CCDC88B: variants seen among roughly 807,000 people sequenced by gnomAD.
The protein encoded by CCDC88B is coiled-coil domain-containing protein 88B.
In CCDC88B, 138 loss-of-function variants were observed where a neutral mutation model predicts 183.7. The observed-to-expected ratio is 0.75, with a 90% confidence interval of 0.65 to 0.87. The LOEUF is 0.87. Among genes scored for constraint, CCDC88B ranks in the 40% least tolerant of loss-of-function variants. CCDC88B has a pLI of 0.00. For synonymous variants in CCDC88B, 835 were observed against 867.5 expected (o/e 0.96, Z 0.66); for missense variants, 1,822 against 1,965.6 (o/e 0.93, Z 1.38).
At position 64,341,599 on chromosome 11, in the gene CCDC88B, G is replaced by C. The variant is rs142786551; in HGVS notation, c.532G>C (p.Val178Leu). The C allele has an allele frequency of 1.2e-6, 2 of 1,601,626 alleles. No individual in the cohort carries two copies. Among genetic ancestry groups the C allele is most frequent in the Non-Finnish European group, 1.7e-6 (2 of 1,173,180 alleles). Residue 178 changes from valine (V) to leucine (L), a missense_variant and splice_region_variant, in exon 7 of 27, where the codon GTG (valine) becomes CTG (leucine). By Grantham distance (32) the Val-to-Leu change is conservative. Coordinates refer to ENST00000356786, the MANE Select transcript of CCDC88B (RefSeq NM_032251.6). ...CTGAACTGCTCTTCCTGCGCCCCAGGTGACCCAGCCGGGGGCCGGCGTGGT... is the reference window on the plus strand; with the variant it reads ...CTGAACTGCTCTTCCTGCGCCCCAGCTGACCCAGCCGGGGGCCGGCGTGGT... ...QSELAAAIQEVTQPGAGVVLA... is the reference protein window; with the variant it reads ...QSELAAAIQELTQPGAGVVLA...
intron 18 of CCDC88B, 135 bp from the exon 19 acceptor site, chr11:64,351,995 C>G (rs1016781830): frequency 2.9e-5 from 37 of 1,262,680 alleles, no homozygotes; most frequent in Non-Finnish European, 3.8e-5. Flanking sequence ...GCCTGCTGTG[C>G]CCCCAGCCCT....
Position 64,355,325 on chromosome 11 carries a change from C to A in CCDC88B, c.4231C>A (p.Pro1411Thr), listed in dbSNP as rs2036511971. The A allele has an allele frequency of 6.3e-7, 1 of 1,595,646 alleles. No homozygotes were observed. Among genetic ancestry groups the A allele is most frequent in the Non-Finnish European group, 8.5e-7 (1 of 1,172,284 alleles). Residue 1411 changes from proline to threonine, a missense_variant, in exon 25 of 27, where the codon CCT (proline) becomes ACT (threonine). Coordinates refer to ENST00000356786, the MANE Select transcript of CCDC88B (RefSeq NM_032251.6). Reference sequence around the variant, plus strand: ...GGGGCGAAGCTCTGAGTCATTCAGCCCTGGGGACACCCCTAGGCAACGATT... The same window carrying A: ...GGGGCGAAGCTCTGAGTCATTCAGCACTGGGGACACCCCTAGGCAACGATT... The part of the protein sequence containing the change: ...PVGRSSESFS[P>T]GDTPRQRFRQ...
intron 26 of CCDC88B, chr11:64,356,644 A>G (rs886184593): frequency 2.6e-5 from 7 of 269,604 alleles, no homozygotes; most frequent in African/African-American, 1.1e-4. Flanking sequence ...CATCTCACCT[A>G]CTTAGCTCCG....
In CCDC88B at chr11:64,344,993, C is replaced by T. The variant is rs1033864180; in HGVS notation, c.2452C>T (p.Leu818=). The T allele has an allele frequency of 3.2e-6, 5 of 1,546,958 alleles. No homozygotes were observed. The Admixed American group carries it at 9.8e-5, about 30-fold the overall frequency. The change falls in exon 14 of 27, where the codon CTG becomes TTG. Residue 818 remains leucine, a synonymous_variant. Coordinates refer to ENST00000356786, the MANE Select transcript of CCDC88B (RefSeq NM_032251.6). This position sits in a 1 kb window ranked among gnomAD's most constrained non-coding sequence, Gnocchi z 4.5. ...GGAACGGGAGGCGCTGGTGGAGGCG[C>T]TGGCAGCAGCGGGCCGGGAGCGGAG... ...SQEREALVEA[L]AAAGRERRQW... is the part of the protein sequence containing the mutation.
At chr11:64,354,201 T>C in intron 24 of CCDC88B, 31 bp downstream of exon 24, 1 of 1,315,994 alleles carries the variant, frequency 7.6e-7, no homozygotes, top group Non-Finnish European at 9.7e-7. Flanking sequence ...GCCAGGATGG[T>C]CCCTGCCCCA....
At chr11:64,340,574 G>T in intron 1 of CCDC88B, 33 bp from the exon 2 acceptor site, 2 of 1,594,572 alleles carry the variant, frequency 1.3e-6, no homozygotes, top group Non-Finnish European at 8.5e-7. Context: ...GGTTCACTCT[G>T]CTGGTCGGCT....
chr11:64,341,224 C>T (rs371459691), intron 4 of CCDC88B, 46 bp downstream of exon 4: 395 of 1,613,974 alleles, frequency 2.4e-4, no homozygotes, highest in Non-Finnish European at 3.1e-4. Flanking sequence ...CCGCACTACT[C>T]TACCTTCCCC....
intron 24 of CCDC88B, among the ~76,000 whole-genome samples, chr11:64,354,555 C>T (rs1405542739): frequency 6.6e-6 from 1 of 151,966 alleles, no homozygotes; most frequent in Non-Finnish European, 1.5e-5. Flanking sequence ...GGCCAGTGTC[C>T]TGCTGCCCCA....
rs777780848 is a variant in CCDC88B, at chr11:64,352,246, G to A, written c.3216G>A (p.Gln1072=). ...AGGAGGAGACCCGCGGGCAGCAGCA[G>A]GCCCTGCTTCGGGACCACAAGGCCC... ...QSQEETRGQQ[Q]ALLRDHKALA... Residue 1072 remains glutamine, a synonymous_variant, in exon 19 of 27, where the codon CAG becomes CAA. Coordinates refer to ENST00000356786, the MANE Select transcript of CCDC88B (RefSeq NM_032251.6). 15 of 1,607,204 alleles carry A rather than the reference G, an allele frequency of 9.3e-6. No individual in the cohort carries two copies. The highest frequency in any genetic ancestry group is 1.3e-5 in the Non-Finnish European group (15 of 1,176,936).
chr11:64,342,446 C>G, intron 9 of CCDC88B, 71 bp downstream of exon 9: 2 of 1,544,298 alleles, frequency 1.3e-6, no homozygotes, highest in South Asian at 2.4e-5. Flanking sequence ...TGCCTCCCTC[C>G]CAACCCGGCT....
intron 14 of CCDC88B, among the ~76,000 whole-genome samples, chr11:64,347,219 A>G (rs2036146651): frequency 6.6e-6 from 1 of 152,252 alleles, no homozygotes; most frequent in African/African-American, 2.4e-5. Flanking sequence ...GCGTGGCTTC[A>G]GCTTCCTTCC....
chr11:64,343,478 G>A lies in CCDC88B; in HGVS notation c.1210-29G>A, dbSNP rs1241393186. The A allele has an allele frequency of 1.1e-5, 17 of 1,541,646 alleles. No individual in the cohort carries two copies. The South Asian group carries it at 2.0e-4, about 18-fold the overall frequency. ...CACTCGGCCTGGCCATGGTGTGGAG[G>A]GCTTGTCTGACCCTTCCCTCACCCC... is the stretch of plus-strand genomic sequence containing the variant. On this transcript the variant is annotated intron_variant, in intron 11 of 26. Transcript: ENST00000356786.
Position 64,341,662 on chromosome 11 carries a change from C to A in CCDC88B, c.595C>A (p.Pro199Thr). Residue 199 changes from proline to threonine, a missense_variant, in exon 7 of 27, where the codon CCT (proline) becomes ACT (threonine). Transcript: ENST00000356786. ...TGGGCCAGATCCTGGGGAGCTGGCA[C>A]CTGCCGAGCTGGAGATGCTGTCCCG... ...LSGPDPGELA[P>T]AELEMLSRSL... 1 of 1,608,006 alleles carries A rather than the reference C, an allele frequency of 6.2e-7. No individual in the cohort carries two copies. The highest frequency in any genetic ancestry group is 8.5e-7 in the Non-Finnish European group (1 of 1,177,500).
In CCDC88B at chr11:64,357,284, CAG is replaced by C. The variant is rs1184054234; in HGVS notation, c.*191_*192del. On this transcript the variant is annotated 3_prime_UTR_variant, in exon 27 of 27. Transcript: ENST00000356786. ...GATGGAGCTGGGACGAGTGTGTGGA[CAG>C]GGGGGATGGCTGGCCCCCACGAGCA... 5 of 756,112 alleles carry C rather than the reference CAG, an allele frequency of 6.6e-6. No individual in the cohort carries two copies. Among genetic ancestry groups the C allele is most frequent in the Admixed American group, 2.0e-5 (1 of 50,100 alleles). The allele number at this position is 756,112 out of a possible 1,614,324, so 46.8% of individuals were successfully genotyped here.
Position 64,344,304 on chromosome 11 carries a change from C to T in CCDC88B, c.1763C>T (p.Ser588Phe). The change falls in exon 14 of 27, where the codon TCC becomes TTC. Residue 588 changes from serine (S) to phenylalanine (F), a missense_variant. Physicochemically the swap from Ser to Phe is radical, Grantham distance 155. Transcript: ENST00000356786. This position sits in a 1 kb window ranked among gnomAD's most constrained non-coding sequence, Gnocchi z 4.5. ...ESGSPVETQE[S>F]PEKAGRRSSL... ...GGCTCTCCTGTGGAGACACAGGAGT[C>T]CCCGGAGAAGGCTGGCCGTAGATCC... The T allele has an allele frequency of 1.9e-6, 3 of 1,613,616 alleles. No individual in the cohort carries two copies. Among genetic ancestry groups the T allele is most frequent in the Non-Finnish European group, 2.5e-6 (3 of 1,179,928 alleles).
At chr11:64,353,022 C>T (rs745989236) in intron 20 of CCDC88B, 32 bp from the exon 21 acceptor site, 2 of 1,553,646 alleles carry the variant, frequency 1.3e-6, no homozygotes, top group African/African-American at 1.4e-5. Flanking sequence ...GGACCCAGGT[C>T]CCTTGGAGAG....
chr11:64,344,389 C>T lies in CCDC88B; in HGVS notation c.1848C>T (p.Ala616=), dbSNP rs1266415944. 6.3e-7 allele frequency: 1 copy of T among 1,583,182 alleles called. No individual in the cohort carries two copies. The highest frequency in any genetic ancestry group is 8.6e-7 in the Non-Finnish European group (1 of 1,165,878). Reference sequence around the variant, plus strand: ...AGGGTCCAGGGACCAAAATTCAGGCCCCGCAGTTGCTGGGAGGAGAGACAG... The same window carrying T: ...AGGGTCCAGGGACCAAAATTCAGGCTCCGCAGTTGCTGGGAGGAGAGACAG... The part of the protein sequence containing the change: ...PPQGPGTKIQ[A]PQLLGGETEG... The change falls in exon 14 of 27, where the codon GCC becomes GCT. Residue 616 remains alanine, a synonymous_variant. Transcript: ENST00000356786. This position sits in a 1 kb window ranked among gnomAD's most constrained non-coding sequence, Gnocchi z 4.5.
At position 64,340,677 on chromosome 11, in the gene CCDC88B, A is replaced by G. The variant is rs990061742; in HGVS notation, c.131A>G (p.Glu44Gly). The change falls in exon 2 of 27, where the codon GAG becomes GGG. Residue 44 changes from glutamate to glycine, a missense_variant. Coordinates refer to ENST00000356786, the MANE Select transcript of CCDC88B (RefSeq NM_032251.6). ...SEGEEEEEEE[E>G]PPLWLEKRFL... ...GGGGAAGAAGAGGAAGAGGAGGAAG[A>G]GCCGCCCCTTTGGTTGGAGAAGAGA... 5 of 1,612,010 alleles carry G rather than the reference A, an allele frequency of 3.1e-6. No homozygotes were observed. Among genetic ancestry groups the G allele is most frequent in the Non-Finnish European group, 4.2e-6 (5 of 1,179,804 alleles).
rs1453354950 is a variant in CCDC88B at position 64,343,863 on chromosome 11, C to A, written c.1404C>A (p.Asn468Lys). The change falls in exon 13 of 27, where the codon AAC (asparagine) becomes AAA (lysine). Residue 468 changes from asparagine to lysine, a missense_variant. Physicochemically the swap from Asn to Lys is moderately conservative, Grantham distance 94. Coordinates refer to ENST00000356786, the MANE Select transcript of CCDC88B (RefSeq NM_032251.6). ...AGRLRTLERENRELRGLLQVL... is the reference protein window; with the variant it reads ...AGRLRTLEREKRELRGLLQVL... Reference sequence around the variant, plus strand: ...GGCTTCGGACCCTTGAGAGGGAGAACCGGGAGCTTCGGGGGCTGCTTCAGG... The same window carrying A: ...GGCTTCGGACCCTTGAGAGGGAGAAACGGGAGCTTCGGGGGCTGCTTCAGG... The A allele has an allele frequency of 6.2e-7, 1 of 1,604,970 alleles. No homozygotes were observed.
Sources: allele counts gnomAD v4.1 joint callset (sites outside exome capture counted in the v4.1 genomes callset), GRCh38; gene constraint gnomAD v4.1.1; non-coding constraint Gnocchi (gnomAD v3.1); transcripts MANE v1.5; gene names NCBI Gene and HGNC (gene_info 2026-07-23, HGNC 2026-07-21).